The following RBFOX1 variants were observed in gnomAD, a reference collection of about 807,000 sequenced individuals.
The protein encoded by RBFOX1 is RNA binding protein fox-1 homolog 1.
A neutral mutation model predicts 57.7 loss-of-function variants in RBFOX1; 8 were observed. The ratio of observed to expected loss-of-function variants is 0.14; its 90% CI spans 0.08 to 0.25. RBFOX1 has a LOEUF of 0.25. RBFOX1 is among the 10% of genes least tolerant of loss of function. RBFOX1 has a pLI of 1.00. For synonymous variants in RBFOX1, 326 were observed against 222.4 expected, an observed-to-expected ratio of 1.47 and a Z score of -4.15; for missense variants, 611 against 548.5, an observed-to-expected ratio of 1.11 and a Z score of -1.14.
At chr16:6,904,524 C>A (rs991220292) in intron 3 of RBFOX1, among the ~76,000 whole-genome samples, 9 of 147,468 alleles carry the variant, frequency 6.1e-5, no homozygotes, top group African/African-American at 2.3e-4. Flanking sequence ...TTGTTTGAAC[C>A]CAGGAGGCAG....
intron 1 of RBFOX1, among the ~76,000 whole-genome samples, chr16:5,285,275 A>T (rs993872159): frequency 6.6e-6 from 1 of 151,830 alleles, no homozygotes; most frequent in African/African-American, 2.4e-5. Flanking sequence ...TCTTTCAACG[A>T]TTTCTTCTCT....
intron 4 of RBFOX1, among the ~76,000 whole-genome samples, chr16:7,336,207 A>G (rs1390585748): frequency 1.3e-5 from 2 of 152,196 alleles, no homozygotes; most frequent in Non-Finnish European, 2.9e-5. Context: ...TAGCCAAGCC[A>G]TGGACCATGG....
At chr16:7,015,614 C>A (rs1180437341) in intron 3 of RBFOX1, among the ~76,000 whole-genome samples, 1 of 152,180 alleles carries the variant, frequency 6.6e-6, no homozygotes, top group Non-Finnish European at 1.5e-5. Flanking sequence ...CTATTAGACA[C>A]CATTTGTGGT....
intron 4 of RBFOX1, among the ~76,000 whole-genome samples, chr16:7,159,172 T>G (rs368677708): frequency 6.6e-6 from 1 of 152,162 alleles, no homozygotes; most frequent in Admixed American, 6.6e-5. Flanking sequence ...GGAGATTGTT[T>G]CAAGTTGTTG....
chr16:5,965,382 A>G (rs967237997), intron 4 of RBFOX1, among the ~76,000 whole-genome samples: 16 of 152,224 alleles, frequency 1.1e-4, no homozygotes, highest in African/African-American at 2.2e-4. Context: ...AAATGTGTAC[A>G]TATATCAAAA....
chr16:6,092,752 C>T (rs747584851), intron 1 of RBFOX1: 7 of 152,140 alleles, frequency 4.6e-5, no homozygotes, highest in Non-Finnish European at 8.8e-5. Context: ...GTCTTTGTGT[C>T]TGTTTTTGTA....
chr16:6,558,842 C>T (rs1009778879), intron 2 of RBFOX1, among the ~76,000 whole-genome samples: 2 of 136,600 alleles, frequency 1.5e-5, no homozygotes, highest in African/African-American at 2.7e-5. Flanking sequence ...ACTTTTACTT[C>T]CCCAAACATA....
intron 1 of RBFOX1, among the ~76,000 whole-genome samples, chr16:5,448,116 T>C (rs2151557588): frequency 6.6e-6 from 1 of 152,332 alleles, no homozygotes; most frequent in Non-Finnish European, 1.5e-5. Context: ...CATCCTGTTC[T>C]TAAATTGAGG....
intron 4 of RBFOX1, among the ~76,000 whole-genome samples, chr16:7,236,646 G>A (rs988103550): frequency 6.6e-6 from 1 of 152,036 alleles, no homozygotes; most frequent in Admixed American, 6.6e-5. Context: ...AAGTCTATGT[G>A]GCTTTTAGTA....
At chr16:5,607,737 C>A (rs921053226) in intron 3 of RBFOX1, among the ~76,000 whole-genome samples, 10 of 152,202 alleles carry the variant, frequency 6.6e-5, no homozygotes, top group African/African-American at 2.4e-4. Flanking sequence ...AGGTCACTGC[C>A]TTTCCAATTC....
At chr16:6,746,157 G>A (rs369501845) in intron 3 of RBFOX1, among the ~76,000 whole-genome samples, 4 of 152,120 alleles carry the variant, frequency 2.6e-5, no homozygotes, top group African/African-American at 9.7e-5. Flanking sequence ...CCAATATCGT[G>A]TGTAGGTTGA....
intron 3 of RBFOX1, among the ~76,000 whole-genome samples, chr16:6,714,153 T>C (rs1603451498): frequency 6.6e-6 from 1 of 152,284 alleles, no homozygotes; most frequent in African/African-American, 2.4e-5. Flanking sequence ...TCACGCTCTC[T>C]CTCTCACCTG....
chr16:6,605,428 C>T (rs765587234), intron 2 of RBFOX1, among the ~76,000 whole-genome samples: 1 of 152,078 alleles, frequency 6.6e-6, no homozygotes, highest in African/African-American at 2.4e-5. Context: ...AGACTGTGAA[C>T]TGGATCTTAT....
exon 3 of RBFOX1, chr16:5,599,200 A>G (rs2047285247): frequency 1.4e-6 from 1 of 702,654 alleles, no homozygotes; most frequent in South Asian, 1.5e-5. Context: ...TGTCCTCTAA[A>G]AAAGACCAGG....
intron 3 of RBFOX1, among the ~76,000 whole-genome samples, chr16:5,628,757 G>T (rs2048416612): frequency 6.6e-6 from 1 of 152,294 alleles, no homozygotes; most frequent in African/African-American, 2.4e-5. Flanking sequence ...CCAAGGGCAG[G>T]ATTTTATATC....
intron 1 of RBFOX1, among the ~76,000 whole-genome samples, chr16:6,082,385 G>A (rs554767767): frequency 3.5e-5 from 1 of 28,566 alleles, no homozygotes; most frequent in Non-Finnish European, 8.9e-5. Flanking sequence ...TGGATTTTTA[G>A]TAGTCATGGG....
chr16:6,073,732 C>G (rs2095863002), intron 1 of RBFOX1, among the ~76,000 whole-genome samples: 2 of 152,038 alleles, frequency 1.3e-5, no homozygotes, highest in Admixed American at 1.3e-4. Flanking sequence ...AGTTGTTCCT[C>G]CCAACTAATT....
At chr16:6,413,772 T>G (rs72760916) in intron 2 of RBFOX1, among the ~76,000 whole-genome samples, 2,558 of 152,226 alleles carry the variant, frequency 0.017, 42 homozygotes, top group Non-Finnish European at 0.024. Context: ...ATCAGGTATT[T>G]CTCAGTCTCT....
intron 3 of RBFOX1, among the ~76,000 whole-genome samples, chr16:6,888,531 T>C (rs1335861009): frequency 2.0e-5 from 3 of 152,186 alleles, no homozygotes; most frequent in Admixed American, 6.5e-5. Context: ...AGAAATTTTA[T>C]CTCCACATTG....
Sources: allele counts gnomAD v4.1 joint callset (sites outside exome capture counted in the v4.1 genomes callset), GRCh38; gene constraint gnomAD v4.1.1; transcripts MANE v1.5; gene names NCBI Gene and HGNC (gene_info 2026-07-23, HGNC 2026-07-21).